SUPT6H: variants seen among roughly 807,000 people sequenced by gnomAD.
SUPT6H encodes the protein SPT6 homolog, histone chaperone and transcription elongation factor, also known as transcription elongation factor SPT6.
A neutral mutation model predicts 222.3 loss-of-function variants in SUPT6H; 11 were observed. That is an observed-to-expected ratio of 0.05 (90% confidence interval 0.03 to 0.08). SUPT6H has a LOEUF of 0.08. Ranked by LOEUF, SUPT6H falls within the 10% of genes least tolerant of loss-of-function variation. SUPT6H has a pLI of 1.00. For missense variants in SUPT6H, 1,422 were observed against 2,216.0 expected, an observed-to-expected ratio of 0.64 and a Z score of 7.19; for synonymous variants, 762 against 801.2, an observed-to-expected ratio of 0.95 and a Z score of 0.83.
intron 29 of SUPT6H, among the ~76,000 whole-genome samples, chr17:28,696,227 T>G (rs1431246740): frequency 0.024 from 1,816 of 76,410 alleles, no homozygotes; most frequent in Middle Eastern, 0.13. Context: ...AACCCAGGAG[T>G]GAGAAGTTGC....
rs1332137585 is a variant in SUPT6H at position 28,689,452 on chromosome 17, A to C, written c.3233A>C (p.Glu1078Ala). The C allele has an allele frequency of 6.2e-7, 1 of 1,614,244 alleles. No homozygotes were observed. Residue 1078 changes from glutamate to alanine, a missense_variant, in exon 25 of 37, where the codon GAA (glutamate) becomes GCA (alanine). Around this residue, in one of 13 missense-constraint regions of SUPT6H, gnomAD observed 16 missense variants for 88.5 expected, o/e 0.18. Coordinates refer to ENST00000314616, the MANE Select transcript of SUPT6H (RefSeq NM_003170.5). ...KMAVDALEYD[E>A]SAEDANPAGA... is the part of the protein sequence containing the mutation. Reference sequence around the variant, plus strand: ...GCAGTGGATGCCCTGGAATACGATGAATCAGCCGAGGATGCCAATCCTGCA... The same window carrying C: ...GCAGTGGATGCCCTGGAATACGATGCATCAGCCGAGGATGCCAATCCTGCA...
At position 28,673,369 on chromosome 17, in the gene SUPT6H, A is replaced by G. The variant is rs1188724454; in HGVS notation, c.-31-2A>G. 2.6e-6 allele frequency: 4 copies of G among 1,535,880 alleles called. No individual in the cohort carries two copies. Among genetic ancestry groups the G allele is most frequent in the East Asian group, 2.2e-5 (1 of 44,486 alleles). On this transcript the variant is annotated splice_acceptor_variant, in intron 1 of 36. Coordinates refer to ENST00000314616, the MANE Select transcript of SUPT6H (RefSeq NM_003170.5). LOFTEE classifies it low-confidence loss of function (5UTR_SPLICE). ...TTATCCTTCACTCTTTTCTTTCCCTAGTTATCTTCAGGCAGAGTGAGAAGC... is the reference window on the plus strand; with the variant it reads ...TTATCCTTCACTCTTTTCTTTCCCTGGTTATCTTCAGGCAGAGTGAGAAGC...
chr17:28,665,834 T>C (rs2029980277), intron 1 of SUPT6H, among the ~76,000 whole-genome samples: 1 of 152,184 alleles, frequency 6.6e-6, no homozygotes, highest in African/African-American at 2.4e-5. Context: ...GATTATGGCT[T>C]GAGCCCAGGA....
chr17:28,662,592 T>C (rs1267135243), intron 1 of SUPT6H, among the ~76,000 whole-genome samples: 1 of 152,160 alleles, frequency 6.6e-6, no homozygotes, highest in Non-Finnish European at 1.5e-5. Flanking sequence ...ACAGGCTTCC[T>C]GGCATCCCGT....
chr17:28,665,938 G>T (rs1324900433), intron 1 of SUPT6H, among the ~76,000 whole-genome samples: 1 of 152,120 alleles, frequency 6.6e-6, no homozygotes, highest in East Asian at 1.9e-4. Flanking sequence ...GTTTTTGTTG[G>T]ATTAGCAAGT....
At chr17:28,680,188 C>G (rs574175880) in intron 11 of SUPT6H, among the ~76,000 whole-genome samples, 2 of 148,964 alleles carry the variant, frequency 1.3e-5, no homozygotes, top group Admixed American at 1.3e-4. Context: ...CACCTGTAAT[C>G]CCAGCTACTC....
In SUPT6H at chr17:28,699,822, G is replaced by A. The variant is rs2032060650; in HGVS notation, c.4490G>A (p.Arg1497Gln). Reference protein sequence around the residue: ...VTVTPEGFRYRGQIFPTVNGL... With the variant: ...VTVTPEGFRYQGQIFPTVNGL... Reference sequence around the variant, plus strand: ...GTGACTCCAGAGGGATTCCGGTACCGGGGCCAGATCTTCCCAACCGTGAAT... The same window carrying A: ...GTGACTCCAGAGGGATTCCGGTACCAGGGCCAGATCTTCCCAACCGTGAAT... The change falls in exon 33 of 37, where the codon CGG (arginine) becomes CAG (glutamine). Residue 1497 changes from arginine to glutamine, a missense_variant. Arg to Gln is a conservative substitution (Grantham distance 43). This residue lies in a region of SUPT6H where 395 missense variants were observed against 580.6 expected (regional missense o/e 0.68). Coordinates refer to ENST00000314616, the MANE Select transcript of SUPT6H (RefSeq NM_003170.5). 3.1e-6 allele frequency: 5 copies of A among 1,614,204 alleles called. No individual in the cohort carries two copies. Among genetic ancestry groups the A allele is most frequent in the Non-Finnish European group, 4.2e-6 (5 of 1,180,038 alleles).
At chr17:28,695,000 C>CA (rs1348329747) in intron 28 of SUPT6H, 257 of 146,064 alleles carry the variant, frequency 1.8e-3, no homozygotes, top group South Asian at 4.0e-3. Context: ...GAGACTGTCT[C>CA]AAAAAAAAAG....
chr17:28,668,769 G>T (rs527902611), intron 1 of SUPT6H, among the ~76,000 whole-genome samples: 1 of 152,156 alleles, frequency 6.6e-6, no homozygotes, highest in African/African-American at 2.4e-5. Flanking sequence ...TATGTGTGGG[G>T]GCTGCCGTAC....
At chr17:28,694,715 T>G (rs868395850) in intron 28 of SUPT6H, among the ~76,000 whole-genome samples, 9 of 152,144 alleles carry the variant, frequency 5.9e-5, no homozygotes, top group Admixed American at 5.9e-4. Context: ...AAAAGGGAAG[T>G]CAGGCCAGGC....
intron 19 of SUPT6H, 138 bp from the exon 20 acceptor site, chr17:28,686,201 T>C: frequency 1.4e-6 from 1 of 739,600 alleles, no homozygotes; most frequent in East Asian, 2.7e-5. Flanking sequence ...GAGGTGGGAA[T>C]AGTTCCTTGG....
intron 27 of SUPT6H, among the ~76,000 whole-genome samples, chr17:28,692,970 C>G (rs1457584070): frequency 6.8e-6 from 1 of 146,092 alleles, no homozygotes; most frequent in Non-Finnish European, 1.5e-5. Flanking sequence ...CACTGCACTC[C>G]AGCCTGGGCA....
At chr17:28,682,587 C>A in intron 13 of SUPT6H, 140 bp from the exon 14 acceptor site, 1 of 1,267,670 alleles carries the variant, frequency 7.9e-7, no homozygotes. Flanking sequence ...CACCACTGCA[C>A]TTTAGCCTGG....
chr17:28,681,791 G>A, intron 12 of SUPT6H, 91 bp from the exon 13 acceptor site: 2 of 1,125,984 alleles, frequency 1.8e-6, no homozygotes, highest in Non-Finnish European at 2.5e-6. Context: ...GCCCTTGGCT[G>A]GGTACCCTTT....
chr17:28,682,720 G>A lies in SUPT6H; in HGVS notation c.1598-7G>A. 1 of 1,614,112 alleles carries A rather than the reference G, an allele frequency of 6.2e-7. No individual in the cohort carries two copies. Among genetic ancestry groups the A allele is most frequent in the Non-Finnish European group, 8.5e-7 (1 of 1,179,994 alleles). ...TGCCTTACCCTTCACTCTTCTGTTT[G>A]CTTTAGATGGCCTGGCCAAAAAGTT... On this transcript the variant is annotated splice_region_variant and splice_polypyrimidine_tract_variant and intron_variant, in intron 13 of 36. Transcript: ENST00000314616.
At chr17:28,685,030 GT>G in intron 19 of SUPT6H, 69 bp downstream of exon 19, 1 of 1,435,696 alleles carries the variant, frequency 7.0e-7, no homozygotes, top group Non-Finnish European at 9.6e-7. Flanking sequence ...GGAGATAAGT[GT>G]TTACGGTCTA....
intron 27 of SUPT6H, 52 bp downstream of exon 27, chr17:28,691,115 T>A: frequency 6.3e-7 from 1 of 1,578,576 alleles, no homozygotes; most frequent in African/African-American, 1.3e-5. Context: ...TTGAATGATC[T>A]CGGTGCCTAG....
intron 27 of SUPT6H, among the ~76,000 whole-genome samples, chr17:28,693,376 G>A (rs190869892): frequency 1.6e-4 from 24 of 151,666 alleles, no homozygotes; most frequent in Middle Eastern, 3.4e-3. Flanking sequence ...CACGAGAATC[G>A]GCTTGAACCC....
chr17:28,690,006 G>A (rs1056758667), intron 25 of SUPT6H, 76 bp from the exon 26 acceptor site: 10 of 1,532,150 alleles, frequency 6.5e-6, no homozygotes, highest in Middle Eastern at 2.4e-4. Context: ...GGAGAGGCCC[G>A]CCCCTTCCAC....
Sources: gnomAD v4.1 joint callset for allele counts (sites outside exome capture counted in the v4.1 genomes callset) on GRCh38, gnomAD v4.1.1 for gene constraint, gnomAD v4.1.1 regional missense constraint, MANE v1.5 for transcripts, NCBI Gene and HGNC (gene_info 2026-07-23, HGNC 2026-07-21) for gene names.